TGM5: variants seen among roughly 807,000 people sequenced by gnomAD.
TGM5 encodes the protein transglutaminase 5, also known as protein-glutamine gamma-glutamyltransferase 5.
Under a neutral mutation model 77.2 loss-of-function variants are expected in TGM5, and 69 were observed. The ratio of observed to expected loss-of-function variants is 0.89; its 90% confidence interval spans 0.74 to 1.09. TGM5 has a LOEUF of 1.09. Ranked by LOEUF, TGM5 falls within the 50% of genes least tolerant of loss-of-function variation. The pLI, the probability that TGM5 is intolerant of heterozygous loss-of-function variation, is 0.00. For synonymous variants in TGM5, 346 were observed against 351.8 expected, an observed-to-expected ratio of 0.98 and a Z score of 0.18; for missense variants, 842 against 896.5, an observed-to-expected ratio of 0.94 and a Z score of 0.78.
At chr15:43,238,704 G>T in intron 9 of TGM5, 113 bp downstream of exon 9, 1 of 1,505,072 alleles carries the variant, frequency 6.6e-7, no homozygotes, top group Non-Finnish European at 9.0e-7. Flanking sequence ...AAACTGAACA[G>T]CTGAGGAGAC....
intron 12 of TGM5, 37 bp downstream of exon 12, chr15:43,233,517 G>A (rs1365935464): frequency 3.1e-6 from 5 of 1,613,952 alleles, no homozygotes; most frequent in Non-Finnish European, 3.4e-6. Context: ...TCTCAGGGGG[G>A]AAAAACAGGA....
chr15:43,252,647 C>A, intron 6 of TGM5, 112 bp downstream of exon 6: 1 of 1,374,004 alleles, frequency 7.3e-7, no homozygotes, highest in Non-Finnish European at 1.0e-6. Context: ...GGGCTTCCTT[C>A]CAAATGTCCC....
intron 6 of TGM5, among the ~76,000 whole-genome samples, chr15:43,246,033 T>C (rs1191042201): frequency 2.0e-5 from 3 of 152,024 alleles, no homozygotes; most frequent in East Asian, 1.9e-4. Flanking sequence ...TGTGTGGGGA[T>C]GGACAATCAG....
At chr15:43,238,225 C>A (rs1282797633) in intron 9 of TGM5, among the ~76,000 whole-genome samples, 1 of 152,172 alleles carries the variant, frequency 6.6e-6, no homozygotes, top group African/African-American at 2.4e-5. Context: ...TGCCTCTGGC[C>A]CTCATGGACT....
intron 1 of TGM5, among the ~76,000 whole-genome samples, chr15:43,263,770 A>G (rs371813288): frequency 3.9e-5 from 6 of 152,250 alleles, no homozygotes; most frequent in Admixed American, 3.3e-4. Flanking sequence ...CTTCTCAGAT[A>G]TGACAGCAGA....
At chr15:43,252,097 A>G (rs1392264530) in intron 6 of TGM5, among the ~76,000 whole-genome samples, 1 of 152,178 alleles carries the variant, frequency 6.6e-6, no homozygotes, top group African/African-American at 2.4e-5. Flanking sequence ...AAAGGACACT[A>G]ATCAGTTTGT....
chr15:43,261,052 T>C (rs2042782248), intron 1 of TGM5, among the ~76,000 whole-genome samples: 1 of 147,326 alleles, frequency 6.8e-6, no homozygotes, highest in African/African-American at 2.5e-5. Context: ...TTGGGCTAGC[T>C]GCTCTTCCTT....
At chr15:43,251,905 C>A (rs982236799) in intron 6 of TGM5, among the ~76,000 whole-genome samples, 1 of 152,218 alleles carries the variant, frequency 6.6e-6, no homozygotes, top group East Asian at 1.9e-4. Context: ...GCTGACCTCA[C>A]ATTTTCTTCC....
chr15:43,234,061 CA>C (rs1419106205), intron 11 of TGM5, among the ~76,000 whole-genome samples: 1 of 152,148 alleles, frequency 6.6e-6, no homozygotes, highest in Non-Finnish European at 1.5e-5. Context: ...TTTGCCTTCC[CA>C]AAATTTGCCA....
At chr15:43,245,896 T>G (rs2042666532) in intron 6 of TGM5, among the ~76,000 whole-genome samples, 1 of 121,054 alleles carries the variant, frequency 8.3e-6, no homozygotes, top group Non-Finnish European at 1.7e-5. Flanking sequence ...TGTGTGTGTG[T>G]GTTGGGGGGG....
chr15:43,246,996 A>G (rs895524886), intron 6 of TGM5, among the ~76,000 whole-genome samples: 19 of 152,108 alleles, frequency 1.2e-4, no homozygotes, highest in African/African-American at 4.6e-4. Context: ...TGCCTCTACT[A>G]AAAGAACAAA....
Position 43,232,995 on chromosome 15 carries a change from C to G in TGM5, c.*196G>C. 1 of 666,386 alleles carries G rather than the reference C, an allele frequency of 1.5e-6. No individual in the cohort carries two copies. Among genetic ancestry groups the G allele is most frequent in the South Asian group, 1.9e-5 (1 of 51,418 alleles). 41.3% of individuals were successfully genotyped at this position (666,386 alleles called of 1,614,324 possible). On this transcript the variant is annotated 3_prime_UTR_variant, in exon 13 of 13. Coordinates refer to ENST00000220420, the MANE Select transcript of TGM5 (RefSeq NM_201631.4). The stretch of plus-strand genomic sequence containing the variant: ...CTGAGTATAGGGGTAGTAAACAAAG[C>G]AAAGTCTTTGCCCTCATGGAGCTTA...
rs771345472 is a variant in TGM5, at chr15:43,266,822, C to T, written c.10+18G>A. 2 of 1,614,102 alleles carry T rather than the reference C, an allele frequency of 1.2e-6. No individual in the cohort carries two copies. Reference sequence around the variant, plus strand: ...CTTCTTATCCCTGAACTCCAGTGGCCACAGGGGCTTTCCCTACCTTGGGCC... The same window carrying T: ...CTTCTTATCCCTGAACTCCAGTGGCTACAGGGGCTTTCCCTACCTTGGGCC... On this transcript the variant is annotated intron_variant, in intron 1 of 12. Coordinates refer to ENST00000220420, the MANE Select transcript of TGM5 (RefSeq NM_201631.4).
Position 43,253,568 on chromosome 15 carries a change from G to C in TGM5, c.622C>G (p.Pro208Ala). The C allele has an allele frequency of 6.2e-7, 1 of 1,613,854 alleles. No homozygotes were observed. The highest frequency in any genetic ancestry group is 1.3e-5 in the African/African-American group (1 of 75,042). The part of the protein sequence containing the change: ...LDKSLHFQTD[P>A]ATDCALRGSP... Reference sequence around the variant, plus strand: ...CCCCGCAGAGCACAGTCTGTGGCTGGGTCAGTCTGGAAGTGCAGGCTCTTG... The same window carrying C: ...CCCCGCAGAGCACAGTCTGTGGCTGCGTCAGTCTGGAAGTGCAGGCTCTTG... Residue 208 changes from proline to alanine, a missense_variant, in exon 5 of 13, where the codon CCA (proline) becomes GCA (alanine). By Grantham distance (27) the Pro-to-Ala change is conservative. Around this residue, in one of 2 missense-constraint regions of TGM5, gnomAD observed 815 missense variants for 844.6 expected, o/e 0.96. Transcript: ENST00000220420.
chr15:43,241,271 G>T lies in TGM5; in HGVS notation c.863-281C>A, dbSNP rs147330028. On this transcript the variant is annotated intron_variant, in intron 6 of 12. Transcript: ENST00000220420. The stretch of plus-strand genomic sequence containing the variant: ...CTGTGAGCTCTGCTTACGCCAGGAG[G>T]GTGGGACTGGCAAGCCTTTCCTTTG... 48 of 484,132 alleles carry T rather than the reference G, an allele frequency of 9.9e-5. No individual in the cohort carries two copies. In the East Asian group the frequency reaches 1.9e-3, roughly 19 times the overall value. 30.0% of individuals were successfully genotyped at this position (484,132 alleles called of 1,614,324 possible).
At chr15:43,264,572 T>C (rs1224881971) in intron 1 of TGM5, among the ~76,000 whole-genome samples, 6 of 152,178 alleles carry the variant, frequency 3.9e-5, no homozygotes, top group Non-Finnish European at 5.9e-5. Context: ...GGCAAATTCA[T>C]AGAGACAGAA....
intron 3 of TGM5, 121 bp from the exon 4 acceptor site, chr15:43,256,807 G>C (rs1042162033): frequency 1.3e-6 from 1 of 774,116 alleles, no homozygotes; most frequent in African/African-American, 1.7e-5. Context: ...GACACCAAGA[G>C]GGGCACGAGG....
Position 43,238,833 on chromosome 15 carries a change from G to A in TGM5, c.1329C>T (p.Asn443=). ...QSDERDDITE[N]YKYEEGSLQE... ...CTTACTTACCTTCTTCATACTTGTA[G>A]TTCTCTGTGATGTCATCCCGCTCGT... Residue 443 remains asparagine, a synonymous_variant, in exon 9 of 13, where the codon AAC becomes AAT. Transcript: ENST00000220420. The A allele has an allele frequency of 1.2e-6, 2 of 1,614,152 alleles. No homozygotes were observed. Among genetic ancestry groups the A allele is most frequent in the Non-Finnish European group, 1.7e-6 (2 of 1,180,014 alleles).
rs759746223 is a variant in TGM5 at position 43,235,849 on chromosome 15, G to C, written c.1346-12C>G. The C allele has an allele frequency of 5.0e-6, 8 of 1,613,164 alleles. No individual in the cohort carries two copies. In the South Asian group the frequency reaches 7.7e-5, roughly 16 times the overall value. ...CTCCTGGAGGGATCCTGAAGTTGGGGAGAGCACAGCACCAGCTGTGAGCCA... is the reference window on the plus strand; with the variant it reads ...CTCCTGGAGGGATCCTGAAGTTGGGCAGAGCACAGCACCAGCTGTGAGCCA... On this transcript the variant is annotated splice_polypyrimidine_tract_variant and intron_variant, in intron 9 of 12. Coordinates refer to ENST00000220420, the MANE Select transcript of TGM5 (RefSeq NM_201631.4).
Sources: allele counts gnomAD v4.1 joint callset (sites outside exome capture counted in the v4.1 genomes callset), GRCh38; gene constraint gnomAD v4.1.1; regional missense constraint gnomAD v4.1.1; transcripts MANE v1.5; gene names NCBI Gene and HGNC (gene_info 2026-07-23, HGNC 2026-07-21).